The following SMAD2 variants were observed in gnomAD, a reference collection of about 807,000 sequenced individuals.
SMAD2 encodes MAD homolog 2.
SMAD2 carries 8 observed loss-of-function variants against 64.4 expected under a neutral mutation model. That is an observed-to-expected ratio of 0.12 (90% confidence interval 0.07 to 0.22). SMAD2 has a LOEUF of 0.22. SMAD2 is among the 10% of genes least tolerant of loss of function. SMAD2 has a pLI of 1.00. For synonymous variants in SMAD2, 203 were observed against 195.8 expected (o/e 1.04, Z -0.31); for missense variants, 289 against 561.2 (o/e 0.51, Z 4.90).
At chr18:47,899,136 AT>A (rs1199744189) in intron 1 of SMAD2, among the ~76,000 whole-genome samples, 2 of 152,206 alleles carry the variant, frequency 1.3e-5, no homozygotes, top group Non-Finnish European at 2.9e-5. Context: ...AACAGAGTTG[AT>A]TAAGAAAAAG....
intron 6 of SMAD2, among the ~76,000 whole-genome samples, chr18:47,858,881 A>C (rs557321973): frequency 2.6e-5 from 4 of 152,256 alleles, no homozygotes; most frequent in African/African-American, 9.6e-5. Context: ...CAAATAGACA[A>C]ACAATTGCAA....
chr18:47,853,856 T>C (rs1474777728), intron 6 of SMAD2, among the ~76,000 whole-genome samples: 1 of 152,170 alleles, frequency 6.6e-6, no homozygotes, highest in Non-Finnish European at 1.5e-5. Context: ...TAAAATTCAC[T>C]GCTGTTTCCT....
rs1912171103 is a variant in SMAD2 at position 47,810,656 on chromosome 18, C to A, written c.*31171G>T. 1 of 152,130 alleles carries A rather than the reference C, an allele frequency of 6.6e-6. No homozygotes were observed. Among genetic ancestry groups the A allele is most frequent in the South Asian group, 2.1e-4 (1 of 4,812 alleles). 9.4% of individuals were successfully genotyped at this position (152,130 alleles called of 1,614,324 possible). On this transcript the variant is annotated 3_prime_UTR_variant, in exon 11 of 11. Coordinates refer to ENST00000262160, the MANE Select transcript of SMAD2 (RefSeq NM_005901.6). ...TTGACTTGGAAATATAAATAAAGCCCAGGCATGGTGGCTCATGCCTGTAAT... is the reference window on the plus strand; with the variant it reads ...TTGACTTGGAAATATAAATAAAGCCAAGGCATGGTGGCTCATGCCTGTAAT...
chr18:47,871,498 C>A (rs1037530086), intron 2 of SMAD2, among the ~76,000 whole-genome samples: 2 of 152,194 alleles, frequency 1.3e-5, no homozygotes, highest in Admixed American at 6.5e-5. Context: ...TGTGGCCAGG[C>A]AACAGAACCA....
At chr18:47,903,583 C>A (rs549437416) in intron 1 of SMAD2, among the ~76,000 whole-genome samples, 43 of 152,054 alleles carry the variant, frequency 2.8e-4, no homozygotes, top group African/African-American at 9.9e-4. Context: ...AGCATTCAAT[C>A]AAAAATTACA....
intron 1 of SMAD2, chr18:47,920,251 C>T (rs1248605297): frequency 6.6e-6 from 1 of 152,166 alleles, no homozygotes; most frequent in Non-Finnish European, 1.5e-5. Context: ...ACCCTCCTGA[C>T]CTCAATATCT....
chr18:47,897,279 C>A (rs1222213774), intron 1 of SMAD2, among the ~76,000 whole-genome samples: 2 of 152,230 alleles, frequency 1.3e-5, no homozygotes, highest in African/African-American at 4.8e-5. Flanking sequence ...AGGGAAAATG[C>A]GTAAAGTGTG....
In SMAD2 at chr18:47,880,666, T is replaced by C. The variant is rs552287692; in HGVS notation, c.237-10102A>G. 2.0e-5 allele frequency among the ~76,000 whole-genome samples: 3 copies of C among 152,330 alleles called. No individual in the cohort carries two copies. In the East Asian group the frequency reaches 5.8e-4, roughly 29 times the overall value. On this transcript the variant is annotated intron_variant, in intron 2 of 10. Transcript: ENST00000262160. ...CTCCTCATTATAAAGGGTCACATTT[T>C]CTTTGTTCTTTGTATGTTAGGTAAT...
At chr18:47,872,074 G>C (rs2031967419) in intron 2 of SMAD2, among the ~76,000 whole-genome samples, 1 of 152,152 alleles carries the variant, frequency 6.6e-6, no homozygotes, top group South Asian at 2.1e-4. Context: ...AAAGGAATCA[G>C]AGAAGAATAA....
intron 6 of SMAD2, among the ~76,000 whole-genome samples, chr18:47,853,928 T>C (rs1181837583): frequency 5.9e-5 from 9 of 152,196 alleles, no homozygotes; most frequent in Admixed American, 5.9e-4. Context: ...CAACTATTCA[T>C]ATCTTTTAAC....
In SMAD2 at chr18:47,859,964, A is replaced by C. The variant is rs143087456; in HGVS notation, c.730+5095T>G. ...AGCCTTGGCAACCTGGTGAAATCCTATCTCTAAATAAAACACAAAAATTAG... is the reference window on the plus strand; with the variant it reads ...AGCCTTGGCAACCTGGTGAAATCCTCTCTCTAAATAAAACACAAAAATTAG... On this transcript the variant is annotated intron_variant, in intron 6 of 10. Coordinates refer to ENST00000262160, the MANE Select transcript of SMAD2 (RefSeq NM_005901.6). 7.4e-3 allele frequency among the ~76,000 whole-genome samples: 1,132 copies of C among 152,270 alleles called. 9 individuals carry two copies. The highest frequency in any genetic ancestry group is 0.025 in the African/African-American group (1,057 of 41,562).
In SMAD2 at chr18:47,841,851, T is replaced by C. The variant is rs1913983407; in HGVS notation, c.1380A>G (p.Ser460=). The change falls in exon 11 of 11, where the codon TCA becomes TCG. Residue 460 remains serine, a synonymous_variant. Transcript: ENST00000262160. The part of the protein sequence containing the change: ...DKVLTQMGSP[S]VRCSSMS Reference sequence around the variant, plus strand: ...TTTATGACATGCTTGAGCAACGCACTGAAGGGGATCCCATCTGAGTTAATA... The same window carrying C: ...TTTATGACATGCTTGAGCAACGCACCGAAGGGGATCCCATCTGAGTTAATA... 1 of 1,614,086 alleles carries C rather than the reference T, an allele frequency of 6.2e-7. No individual in the cohort carries two copies. The highest frequency in any genetic ancestry group is 1.7e-5 in the Admixed American group (1 of 60,004).
In SMAD2 at chr18:47,814,984, A is replaced by G. The variant is rs1163780675; in HGVS notation, c.*26843T>C. 1 of 152,500 alleles carries G rather than the reference A, an allele frequency of 6.6e-6. No homozygotes were observed. 9.4% of individuals were successfully genotyped at this position (152,500 alleles called of 1,614,324 possible). On this transcript the variant is annotated 3_prime_UTR_variant, in exon 11 of 11. Coordinates refer to ENST00000262160, the MANE Select transcript of SMAD2 (RefSeq NM_005901.6). ...CAAAAGCCAGGGACCCACTTACATTACCCAGTAGACTCAGTGACATCCAGC... is the reference window on the plus strand; with the variant it reads ...CAAAAGCCAGGGACCCACTTACATTGCCCAGTAGACTCAGTGACATCCAGC...
chr18:47,866,725 T>C (rs994806049), intron 5 of SMAD2: 1 of 152,218 alleles, frequency 6.6e-6, no homozygotes, highest in African/African-American at 2.4e-5. Context: ...AAATTTCTTT[T>C]AAGTGGAATA....
chr18:47,915,697 C>T (rs1415681292), intron 1 of SMAD2, among the ~76,000 whole-genome samples: 3 of 152,130 alleles, frequency 2.0e-5, no homozygotes, highest in Non-Finnish European at 4.4e-5. Context: ...GGTCGCGAAC[C>T]GTGAGTGGGC....
At chr18:47,904,286 G>A (rs1321594573) in intron 1 of SMAD2, among the ~76,000 whole-genome samples, 1 of 150,222 alleles carries the variant, frequency 6.7e-6, no homozygotes, top group African/African-American at 2.5e-5. Context: ...GGAGAGGCAG[G>A]AAAGTCTACC....
intron 2 of SMAD2, among the ~76,000 whole-genome samples, chr18:47,887,157 T>G (rs1423262990): frequency 6.6e-6 from 1 of 152,204 alleles, no homozygotes; most frequent in Non-Finnish European, 1.5e-5. Flanking sequence ...CCCAAGCTGC[T>G]TTTATCCTGT....
chr18:47,892,741 C>T (rs2033256879), intron 2 of SMAD2, among the ~76,000 whole-genome samples: 2 of 152,072 alleles, frequency 1.3e-5, no homozygotes, highest in African/African-American at 4.8e-5. Context: ...AAAAATGATA[C>T]TGAAACAAAC....
intron 1 of SMAD2, among the ~76,000 whole-genome samples, chr18:47,901,507 TTTTC>T (rs1444076493): frequency 2.0e-5 from 3 of 152,170 alleles, no homozygotes; most frequent in African/African-American, 7.2e-5. Context: ...TTGTTTTATA[TTTTC>T]TTTCTTGTCT....
Sources: gnomAD v4.1 joint callset for allele counts (sites outside exome capture counted in the v4.1 genomes callset) on GRCh38, gnomAD v4.1.1 for gene constraint, MANE v1.5 for transcripts, NCBI Gene and HGNC (gene_info 2026-07-23, HGNC 2026-07-21) for gene names.